Variants in GTF2H5 observed in about 807,000 individuals in gnomAD.
The protein encoded by GTF2H5 is general transcription factor IIH subunit 5.
A neutral mutation model predicts 7.1 loss-of-function variants in GTF2H5; 5 were observed. The ratio of observed to expected loss-of-function variants is 0.71; its 90% CI spans 0.37 to 1.49. The LOEUF is 1.49. GTF2H5 is among the 40% of genes most tolerant of loss of function. The pLI, the probability that GTF2H5 is intolerant of heterozygous loss-of-function variation, is 0.03. For missense variants in GTF2H5, 80 were observed against 83.0 expected (o/e 0.96, Z 0.14); for synonymous variants, 30 against 31.7 (o/e 0.95, Z 0.18).
chr6:158,169,539 A>G (rs192633301), intron 1 of GTF2H5, among the ~76,000 whole-genome samples: 1,149 of 90,666 alleles, frequency 0.013, 120 homozygotes, highest in African/African-American at 0.051. Context: ...AGTATATTAT[A>G]TATAATATAC....
Position 158,169,466 on chromosome 6 carries a change from ATTG to A in GTF2H5, c.-34-1002_-34-1000del, listed in dbSNP as rs1562468225. On this transcript the variant is annotated intron_variant, in intron 1 of 2. Coordinates refer to ENST00000607778, the MANE Select transcript of GTF2H5 (RefSeq NM_207118.3). ...ATATATTATATATTATATATATTAT[ATTG>A]TATATTATATATAATATATTGTATA... Among the ~76,000 whole-genome samples the A allele has an allele frequency of 1.8e-3, 136 of 77,350 alleles. 5 individuals carry two copies. Among genetic ancestry groups the A allele is most frequent in the African/African-American group, 3.2e-3 (51 of 15,842 alleles). The allele number at this position is 77,350 out of a possible 152,430, so 50.7% of individuals were successfully genotyped here. A position where few individuals can be genotyped will look rare whatever the true frequency, so the allele number is the denominator to read the frequency against.
intron 1 of GTF2H5, among the ~76,000 whole-genome samples, chr6:158,168,670 T>A (rs998104067): frequency 1.3e-5 from 2 of 152,248 alleles, no homozygotes; most frequent in African/African-American, 4.8e-5. Flanking sequence ...GAGTGGTTTG[T>A]TTCCAGCCTA....
chr6:158,170,622 T>G lies in GTF2H5; in HGVS notation c.35+84T>G, dbSNP rs1785842724. On this transcript the variant is annotated intron_variant, in intron 2 of 2. Transcript: ENST00000607778. The stretch of plus-strand genomic sequence containing the variant: ...GTATGTCTTTTCTAAAACCCTGTTG[T>G]TTTTAAGATATGGATGAAATCAAGT... 3.8e-5 allele frequency: 38 copies of G among 991,592 alleles called. 1 individual carries two copies. The South Asian group carries it at 5.1e-4, about 13-fold the overall frequency. 61.4% of individuals were successfully genotyped at this position (991,592 alleles called of 1,614,324 possible). A position where few individuals can be genotyped will look rare whatever the true frequency, so the allele number is the denominator to read the frequency against.
Position 158,172,374 on chromosome 6 carries a change from C to T in GTF2H5, c.35+1836C>T, listed in dbSNP as rs145069791. On this transcript the variant is annotated intron_variant, in intron 2 of 2. Coordinates refer to ENST00000607778, the MANE Select transcript of GTF2H5 (RefSeq NM_207118.3). ...GTTGCCAGGTTGGAGTGCAGTGGCG[C>T]GATCTTGGCTCCTGGATTCAAGCGA... 3.6e-4 allele frequency among the ~76,000 whole-genome samples: 54 copies of T among 151,086 alleles called. 1 individual carries two copies. The highest frequency in any genetic ancestry group is 1.2e-3 in the African/African-American group (50 of 41,274).
At chr6:158,183,807 C>G (rs1387471924) in intron 2 of GTF2H5, among the ~76,000 whole-genome samples, 1 of 152,222 alleles carries the variant, frequency 6.6e-6, no homozygotes, top group Admixed American at 6.5e-5. Context: ...TATAGTCACT[C>G]ATAGCTTCCC....
intron 2 of GTF2H5, among the ~76,000 whole-genome samples, chr6:158,187,307 T>C (rs1776946474): frequency 6.6e-6 from 1 of 151,800 alleles, no homozygotes; most frequent in South Asian, 2.1e-4. Flanking sequence ...AGAGCTCTTA[T>C]CAGACCTAAA....
At chr6:158,169,672 TTATATAA>T (rs1219972222) in intron 1 of GTF2H5, among the ~76,000 whole-genome samples, 2,002 of 50,990 alleles carry the variant, frequency 0.039, 282 homozygotes, top group Non-Finnish European at 0.049. Flanking sequence ...ATATTGTATA[TTATATAA>T]TATATAATAT....
rs1329503077 is a variant in GTF2H5 at position 158,195,811 on chromosome 6, A to G, written c.*3654A>G. ...ATCTTAACAAACTTAACAGATGGGGAAGGGGTATATTTTAAAGATGGAGAA... is the reference window on the plus strand; with the variant it reads ...ATCTTAACAAACTTAACAGATGGGGGAGGGGTATATTTTAAAGATGGAGAA... On this transcript the variant is annotated 3_prime_UTR_variant, in exon 3 of 3. Coordinates refer to ENST00000607778, the MANE Select transcript of GTF2H5 (RefSeq NM_207118.3). 1 of 152,166 alleles carries G rather than the reference A, an allele frequency of 6.6e-6. No individual in the cohort carries two copies. The highest frequency in any genetic ancestry group is 2.4e-5 in the African/African-American group (1 of 41,408). 9.4% of individuals were successfully genotyped at this position (152,166 alleles called of 1,614,324 possible).
intron 2 of GTF2H5, among the ~76,000 whole-genome samples, chr6:158,185,646 T>A (rs972016132): frequency 2.0e-5 from 3 of 152,140 alleles, no homozygotes; most frequent in Non-Finnish European, 2.9e-5. Context: ...GTTAGCATAT[T>A]TCCCCAAGTG....
rs1562469309 is a variant in GTF2H5 at position 158,169,714 on chromosome 6, A to ATATATTATATAATATATTG, written c.-34-744_-34-726dup. Among the ~76,000 whole-genome samples, 32 of 48,578 alleles carry ATATATTATATAATATATTG rather than the reference A, an allele frequency of 6.6e-4. 3 individuals are homozygous for ATATATTATATAATATATTG. Among genetic ancestry groups the ATATATTATATAATATATTG allele is most frequent in the South Asian group, 1.7e-3 (4 of 2,348 alleles). 31.9% of individuals were successfully genotyped at this position (48,578 alleles called of 152,430 possible). ...TATATTATATAATATATTGTATATTATATATTATATAATATATTGTATATT... is the reference window on the plus strand; with the variant it reads ...TATATTATATAATATATTGTATATTATATATTATATAATATATTGTATATTATATAATATATTGTATATT... On this transcript the variant is annotated intron_variant, in intron 1 of 2. Transcript: ENST00000607778.
intron 2 of GTF2H5, chr6:158,191,014 GA>G (rs1421169661): frequency 2.1e-6 from 1 of 475,050 alleles, no homozygotes; most frequent in Non-Finnish European, 4.1e-6. Context: ...TAATAAAATT[GA>G]ATTTGGACCT....
At chr6:158,175,010 ATG>A (rs200557393) in intron 2 of GTF2H5, among the ~76,000 whole-genome samples, 4,547 of 138,254 alleles carry the variant, frequency 0.033, 81 homozygotes, top group South Asian at 0.05. Context: ...TGTGCCTGAG[ATG>A]TGTGTGTGTG....
chr6:158,191,025 T>A (rs1583638775), intron 2 of GTF2H5: 1 of 459,274 alleles, frequency 2.2e-6, no homozygotes, highest in East Asian at 5.6e-5. Flanking sequence ...AATTTGGACC[T>A]CTTTCCTTGA....
chr6:158,184,473 CTG>C (rs958782390), intron 2 of GTF2H5, among the ~76,000 whole-genome samples: 8 of 152,076 alleles, frequency 5.3e-5, no homozygotes, highest in African/African-American at 1.9e-4. Flanking sequence ...AAAATGGTAG[CTG>C]TGTTTCTGGT....
intron 2 of GTF2H5, among the ~76,000 whole-genome samples, chr6:158,183,793 C>G (rs1197695062): frequency 6.6e-6 from 1 of 152,162 alleles, no homozygotes; most frequent in Non-Finnish European, 1.5e-5. Flanking sequence ...ATTGCTCCTC[C>G]AGGTATAGTC....
In GTF2H5 at chr6:158,192,210, T is replaced by C; in HGVS notation, c.*53T>C. 2.2e-6 allele frequency: 3 copies of C among 1,373,134 alleles called. No individual in the cohort carries two copies. In the South Asian group the frequency reaches 3.5e-5, roughly 16 times the overall value. The allele number at this position is 1,373,134 out of a possible 1,614,324, so 85.1% of individuals were successfully genotyped here. ...TTATAAGCAGCAACTGTGAAAGACT[T>C]GCCACTCAATATCTTAGGTGACTGA... On this transcript the variant is annotated 3_prime_UTR_variant, in exon 3 of 3. Coordinates refer to ENST00000607778, the MANE Select transcript of GTF2H5 (RefSeq NM_207118.3).
intron 2 of GTF2H5, among the ~76,000 whole-genome samples, chr6:158,185,683 G>A (rs1009593878): frequency 6.6e-6 from 1 of 152,056 alleles, no homozygotes; most frequent in Non-Finnish European, 1.5e-5. Flanking sequence ...TGTTCAAGAT[G>A]ATTTGAAGAA....
At chr6:158,172,156 A>G (rs1169016846) in intron 2 of GTF2H5, among the ~76,000 whole-genome samples, 1 of 150,786 alleles carries the variant, frequency 6.6e-6, no homozygotes, top group African/African-American at 2.4e-5. Flanking sequence ...GGTGTTTTAG[A>G]TTCATTCATC....
intron 2 of GTF2H5, among the ~76,000 whole-genome samples, chr6:158,177,594 T>C (rs989117477): frequency 6.6e-6 from 1 of 152,206 alleles, no homozygotes; most frequent in Non-Finnish European, 1.5e-5. Context: ...TATCATACTT[T>C]AAGTTCTGGG....
Sources: allele counts gnomAD v4.1 joint callset (sites outside exome capture counted in the v4.1 genomes callset), GRCh38; gene constraint gnomAD v4.1.1; transcripts MANE v1.5; gene names NCBI Gene and HGNC (gene_info 2026-07-23, HGNC 2026-07-21).